The following ELMO1 variants were observed in gnomAD, a reference collection of about 807,000 sequenced individuals.
The protein encoded by ELMO1 is engulfment and cell motility 1.
ELMO1 carries 26 observed loss-of-function variants against 98.9 expected under a neutral mutation model. The ratio of observed to expected loss-of-function variants is 0.26; its 90% CI spans 0.19 to 0.36. ELMO1 has a LOEUF of 0.36. Ranked by LOEUF, ELMO1 falls within the 10% of genes least tolerant of loss-of-function variation. ELMO1 has a pLI of 1.00. For synonymous variants in ELMO1, 346 were observed against 346.0 expected, an observed-to-expected ratio of 1.00 and a Z score of 0.00; for missense variants, 627 against 935.2, an observed-to-expected ratio of 0.67 and a Z score of 4.30.
At chr7:36,869,125 G>A (rs190863268) in intron 20 of ELMO1, among the ~76,000 whole-genome samples, 52 of 152,328 alleles carry the variant, frequency 3.4e-4, no homozygotes, top group Admixed American at 7.2e-4. Context: ...AGAGATAAAC[G>A]GAAACCCCCG....
chr7:37,188,510 T>TAATAATAAA (rs1791382158), intron 13 of ELMO1, among the ~76,000 whole-genome samples: 1 of 117,820 alleles, frequency 8.5e-6, no homozygotes, highest in East Asian at 2.5e-4. Flanking sequence ...AAAATAATAA[T>TAATAATAAA]AATAATAATA....
intron 5 of ELMO1, among the ~76,000 whole-genome samples, chr7:37,267,081 ACACACAC>A (rs1796304640): frequency 6.9e-6 from 1 of 145,610 alleles, no homozygotes; most frequent in Non-Finnish European, 1.5e-5. Context: ...ACACACACAC[ACACACAC>A]GAGTACTACT....
intron 2 of ELMO1, among the ~76,000 whole-genome samples, chr7:37,321,716 C>CAAAAAAAAAAAAAAAAAAAAAAAAAAAA: frequency 1.5e-5 from 1 of 66,104 alleles, no homozygotes; most frequent in African/African-American, 8.1e-5. Flanking sequence ...GACTCCGTCT[C>CAAAAAAAAAAAAAAAAAAAAAAAAAAAA]AAAAAAAAAA....
intron 15 of ELMO1, among the ~76,000 whole-genome samples, chr7:37,083,842 G>A (rs1375105526): frequency 6.6e-6 from 1 of 152,206 alleles, no homozygotes; most frequent in East Asian, 1.9e-4. Flanking sequence ...AGGAGCACCT[G>A]CTGAGGAGGA....
rs2072523 is a variant in ELMO1 at position 36,895,505 on chromosome 7, G to A, written c.1438-488C>T. On this transcript the variant is annotated intron_variant, in intron 16 of 21. Transcript: ENST00000310758. ...CACTCCCCTCTCCCAGACTGCTTTC[G>A]CCATGTAGTTAGGGCTTGAGTGTTC... Among the ~76,000 whole-genome samples the A allele has an allele frequency of 3.3e-5, 5 of 152,132 alleles. No individual in the cohort carries two copies. In the East Asian group the frequency reaches 9.7e-4, roughly 29 times the overall value.
rs80321483 is a variant in ELMO1, at chr7:37,161,723, C to A, written c.1087-28489G>T. Among the ~76,000 whole-genome samples the A allele has an allele frequency of 6.7e-3, 1,006 of 150,506 alleles. 6 individuals carry two copies. Among genetic ancestry groups the A allele is most frequent in the Non-Finnish European group, 0.011 (714 of 67,618 alleles). Reference sequence around the variant, plus strand: ...ATTCTGTCAATTCAAAACTCATGACCCTAAACCACTTCAAGTATGAAACAC... The same window carrying A: ...ATTCTGTCAATTCAAAACTCATGACACTAAACCACTTCAAGTATGAAACAC... On this transcript the variant is annotated intron_variant, in intron 13 of 21. Transcript: ENST00000310758.
At chr7:36,903,062 C>T (rs941537106) in intron 16 of ELMO1, among the ~76,000 whole-genome samples, 3 of 152,184 alleles carry the variant, frequency 2.0e-5, no homozygotes, top group Admixed American at 1.3e-4. Flanking sequence ...TGGGTGAAGG[C>T]CAGCCTCTCC....
intron 1 of ELMO1, among the ~76,000 whole-genome samples, chr7:37,413,207 T>G (rs951508522): frequency 6.6e-6 from 1 of 151,988 alleles, no homozygotes; most frequent in Non-Finnish European, 1.5e-5. Flanking sequence ...CTGTCTGAAA[T>G]CCTCCCTCTT....
chr7:37,109,636 G>C (rs193016812), intron 14 of ELMO1, among the ~76,000 whole-genome samples: 16 of 152,236 alleles, frequency 1.1e-4, no homozygotes, highest in Admixed American at 4.6e-4. Flanking sequence ...TGCAGAAAAG[G>C]AAACTGACTC....
At chr7:36,968,241 A>G (rs1002854851) in intron 16 of ELMO1, among the ~76,000 whole-genome samples, 3 of 152,166 alleles carry the variant, frequency 2.0e-5, no homozygotes, top group Non-Finnish European at 4.4e-5. Flanking sequence ...GTCTTCCTAA[A>G]GTCTCTCTTA....
chr7:37,276,330 C>T (rs1218407104), intron 4 of ELMO1, among the ~76,000 whole-genome samples: 1 of 152,136 alleles, frequency 6.6e-6, no homozygotes, highest in Non-Finnish European at 1.5e-5. Flanking sequence ...ACACGTAGGC[C>T]GGGCACGGTG....
chr7:37,345,151 A>T (rs867474340), intron 1 of ELMO1, among the ~76,000 whole-genome samples: 5 of 152,246 alleles, frequency 3.3e-5, no homozygotes, highest in African/African-American at 1.2e-4. Flanking sequence ...GAAGCTAATC[A>T]GTGGTAACTA....
chr7:36,901,619 T>C (rs140223932), intron 16 of ELMO1, among the ~76,000 whole-genome samples: 11 of 152,316 alleles, frequency 7.2e-5, no homozygotes, highest in African/African-American at 2.4e-4. Flanking sequence ...TAGGCAGAAG[T>C]CATTTCAAAG....
At chr7:37,426,141 T>TC (rs1804691672) in intron 1 of ELMO1, among the ~76,000 whole-genome samples, 1 of 138,466 alleles carries the variant, frequency 7.2e-6, no homozygotes, top group African/African-American at 2.8e-5. Context: ...TTTTTTTCTT[T>TC]CTTTTTTTTT....
At chr7:37,321,857 CTTT>C (rs869082330) in intron 2 of ELMO1, among the ~76,000 whole-genome samples, 6 of 137,438 alleles carry the variant, frequency 4.4e-5, no homozygotes, top group Admixed American at 7.4e-5. Flanking sequence ...AAGTAACTCC[CTTT>C]TTTTTTTTTT....
intron 6 of ELMO1, among the ~76,000 whole-genome samples, chr7:37,250,728 C>T (rs1795296833): frequency 7.0e-6 from 1 of 143,794 alleles, no homozygotes; most frequent in Non-Finnish European, 1.5e-5. Flanking sequence ...GGAGGCGGAG[C>T]TTGCAATGAG....
intron 16 of ELMO1, among the ~76,000 whole-genome samples, chr7:36,920,973 G>A (rs10232938): frequency 0.13 from 19,455 of 152,184 alleles, 1,529 homozygotes; most frequent in South Asian, 0.22. Flanking sequence ...TTTGAAGGGA[G>A]AGGATTAGGT....
At chr7:37,078,937 T>A (rs1380811229) in intron 15 of ELMO1, among the ~76,000 whole-genome samples, 6 of 152,278 alleles carry the variant, frequency 3.9e-5, no homozygotes, top group Non-Finnish European at 7.4e-5. Context: ...TATATATGAA[T>A]CCCTCTTGGT....
intron 13 of ELMO1, among the ~76,000 whole-genome samples, chr7:37,144,780 AGT>A (rs552227646): frequency 6.6e-6 from 1 of 152,184 alleles, no homozygotes; most frequent in Non-Finnish European, 1.5e-5. Context: ...GTTATTTTGT[AGT>A]GAGCACCCAA....
Sources: allele counts gnomAD v4.1 joint callset (sites outside exome capture counted in the v4.1 genomes callset), GRCh38; gene constraint gnomAD v4.1.1; transcripts MANE v1.5; gene names NCBI Gene and HGNC (gene_info 2026-07-23, HGNC 2026-07-21).